Variants in MTA1 observed in about 807,000 individuals in gnomAD.
The protein encoded by MTA1 is metastasis associated 1.
In MTA1, 15 loss-of-function variants were observed where a neutral mutation model predicts 97.0. The ratio of observed to expected loss-of-function variants is 0.15; its 90% CI spans 0.10 to 0.24. The LOEUF (loss-of-function observed/expected upper bound fraction) is 0.24, where lower values mean the gene tolerates loss of function less well. MTA1 is among the 10% of genes least tolerant of loss of function. MTA1 has a pLI of 1.00. For synonymous variants in MTA1, 435 were observed against 417.5 expected (o/e 1.04, Z -0.51); for missense variants, 709 against 1,015.1 (o/e 0.70, Z 4.10).
chr14:105,449,057 G>C (rs1357685917), intron 3 of MTA1: 3 of 395,378 alleles, frequency 7.6e-6, no homozygotes, highest in Non-Finnish European at 1.4e-5. Context: ...TGGACAGCCT[G>C]TTCTGGGAAG....
chr14:105,461,180 A>C (rs1191661826), intron 10 of MTA1, among the ~76,000 whole-genome samples: 1 of 152,088 alleles, frequency 6.6e-6, no homozygotes, highest in Non-Finnish European at 1.5e-5. Context: ...GGGCCTGGGC[A>C]TAGAGAGCCA....
chr14:105,467,336 G>A, intron 18 of MTA1: 1 of 446,342 alleles, frequency 2.2e-6, no homozygotes, highest in African/African-American at 2.0e-5. Flanking sequence ...GGGCCTGCCA[G>A]TGTGGATGTG....
chr14:105,457,450 C>T (rs1440747808), intron 7 of MTA1, among the ~76,000 whole-genome samples: 1 of 152,190 alleles, frequency 6.6e-6, no homozygotes, highest in African/African-American at 2.4e-5. Flanking sequence ...AGAGGCACGC[C>T]CACTCCCTGG....
intron 7 of MTA1, among the ~76,000 whole-genome samples, chr14:105,457,110 G>A (rs906925183): frequency 1.6e-4 from 24 of 152,212 alleles, no homozygotes; most frequent in Admixed American, 2.0e-4. Flanking sequence ...CTGGAACCTC[G>A]GTGCTGCCCA....
intron 2 of MTA1, among the ~76,000 whole-genome samples, chr14:105,440,623 G>A (rs1405280053): frequency 2.0e-5 from 3 of 152,360 alleles, no homozygotes; most frequent in Middle Eastern, 3.4e-3. Flanking sequence ...GCTCAGAGGC[G>A]TCCCCTTCGT....
At chr14:105,460,605 A>G (rs1267146613) in intron 9 of MTA1, 148 bp downstream of exon 9, 3 of 1,192,080 alleles carry the variant, frequency 2.5e-6, no homozygotes, top group Non-Finnish European at 3.4e-6. Flanking sequence ...GGCCTTTCCT[A>G]TCCACCCCAA....
intron 1 of MTA1, among the ~76,000 whole-genome samples, chr14:105,437,204 C>T (rs1555424553): frequency 1.3e-5 from 2 of 151,424 alleles, no homozygotes; most frequent in East Asian, 1.9e-4. Context: ...TGCGTCCTCC[C>T]AGGTGTGCAC....
At chr14:105,464,207 C>T (rs1223028063) in intron 13 of MTA1, 60 bp downstream of exon 13, 16 of 1,546,064 alleles carry the variant, frequency 1.0e-5, no homozygotes, top group African/African-American at 2.7e-5. Flanking sequence ...GTGGTGCCTG[C>T]GTTGGCCCTG....
At chr14:105,439,310 T>C (rs587693521) in intron 2 of MTA1, among the ~76,000 whole-genome samples, 1 of 151,798 alleles carries the variant, frequency 6.6e-6, no homozygotes, top group East Asian at 1.9e-4. Flanking sequence ...ACCTGGTTTG[T>C]GTCTGCCATG....
rs587707741 is a variant in MTA1, at chr14:105,422,879, G to A, written c.28+2816G>A. ...GAGGCCTTCTGTCTGTGCCTGTGAG[G>A]GCAGCGGATGGCCTGGGCAAGGGTG... On this transcript the variant is annotated intron_variant, in intron 1 of 20. Transcript: ENST00000331320. The surrounding 1 kb of genome is among the most constrained non-coding windows in gnomAD (Gnocchi z 4.3). Among the ~76,000 whole-genome samples the A allele has an allele frequency of 6.6e-5, 10 of 152,326 alleles. No homozygotes were observed. The highest frequency in any genetic ancestry group is 2.2e-4 in the African/African-American group (9 of 41,590).
At chr14:105,449,689 C>T (rs1352509570) in intron 4 of MTA1, among the ~76,000 whole-genome samples, 1 of 152,172 alleles carries the variant, frequency 6.6e-6, no homozygotes, top group Non-Finnish European at 1.5e-5. Flanking sequence ...GGCTGCCCCT[C>T]GCCCTCCTGG....
chr14:105,447,094 TCAG>T (rs1228374448), intron 3 of MTA1, among the ~76,000 whole-genome samples: 2 of 152,312 alleles, frequency 1.3e-5, no homozygotes, highest in African/African-American at 4.8e-5. Flanking sequence ...TGGGTGCCAG[TCAG>T]CAGCACGGCT....
intron 19 of MTA1, 99 bp from the exon 20 acceptor site, chr14:105,469,742 G>C: frequency 4.9e-6 from 7 of 1,433,974 alleles, no homozygotes; most frequent in Non-Finnish European, 6.5e-6. Flanking sequence ...CTGGGGTGGT[G>C]GGGGGTTGGC....
intron 10 of MTA1, among the ~76,000 whole-genome samples, chr14:105,461,674 A>G (rs782555197): frequency 1.3e-5 from 2 of 152,310 alleles, no homozygotes; most frequent in Admixed American, 6.5e-5. Flanking sequence ...CTGGAGACGC[A>G]TCTGGAATTC....
At chr14:105,446,855 G>A (rs1454627681) in intron 3 of MTA1, among the ~76,000 whole-genome samples, 2 of 152,192 alleles carry the variant, frequency 1.3e-5, no homozygotes, top group Non-Finnish European at 2.9e-5. Flanking sequence ...AGTTGACCAT[G>A]GGCTTTCTCT....
chr14:105,451,683 C>T (rs587600371), intron 6 of MTA1, among the ~76,000 whole-genome samples: 18 of 152,182 alleles, frequency 1.2e-4, no homozygotes, highest in East Asian at 3.9e-4. Context: ...CAGAAACGGC[C>T]GGGTCCATGC....
chr14:105,425,148 G>A (rs1555421951), intron 1 of MTA1, among the ~76,000 whole-genome samples: 1 of 152,232 alleles, frequency 6.6e-6, no homozygotes, highest in African/African-American at 2.4e-5. Flanking sequence ...AACTTGGAGT[G>A]CTCTTGCCAG....
chr14:105,456,045 G>A (rs1430582158), intron 7 of MTA1, among the ~76,000 whole-genome samples: 5 of 152,222 alleles, frequency 3.3e-5, no homozygotes, highest in South Asian at 2.1e-4. Flanking sequence ...GCTGGGGCCC[G>A]GCCTGTGGGT....
intron 18 of MTA1, chr14:105,467,378 G>A (rs972862810): frequency 8.1e-5 from 37 of 455,076 alleles, no homozygotes; most frequent in African/African-American, 7.0e-4. Flanking sequence ...GGCTTTCACT[G>A]ACGGTGCTGG....
Sources: allele counts gnomAD v4.1 joint callset (sites outside exome capture counted in the v4.1 genomes callset), GRCh38; gene constraint gnomAD v4.1.1; non-coding constraint Gnocchi (gnomAD v3.1); transcripts MANE v1.5; gene names NCBI Gene and HGNC (gene_info 2026-07-23, HGNC 2026-07-21).